NRF1: variants seen among roughly 807,000 people sequenced by gnomAD.
NRF1 encodes nuclear respiratory factor 1, also known as alpha palindromic-binding protein.
NRF1 carries 5 observed loss-of-function variants against 58.5 expected under a neutral mutation model. The observed-to-expected ratio is 0.09, with a 90% confidence interval of 0.04 to 0.18. The LOEUF is 0.18. Ranked by LOEUF, NRF1 falls within the 10% of genes least tolerant of loss-of-function variation. The pLI, the probability that NRF1 is intolerant of heterozygous loss-of-function variation, is 1.00. For synonymous variants in NRF1, 224 were observed against 246.7 expected, an observed-to-expected ratio of 0.91 and a Z score of 0.86; for missense variants, 288 against 657.7, an observed-to-expected ratio of 0.44 and a Z score of 6.15.
intron 10 of NRF1, among the ~76,000 whole-genome samples, chr7:129,740,918 T>A (rs1803831407): frequency 6.6e-6 from 1 of 152,172 alleles, no homozygotes; most frequent in African/African-American, 2.4e-5. Flanking sequence ...CCAGTAGCTG[T>A]CATTCTTTAT....
chr7:129,738,465 A>G (rs1803773549), intron 10 of NRF1, among the ~76,000 whole-genome samples: 1 of 152,178 alleles, frequency 6.6e-6, no homozygotes, highest in Non-Finnish European at 1.5e-5. Context: ...GGACTTTCCC[A>G]TTTAAGTCAG....
intron 10 of NRF1, among the ~76,000 whole-genome samples, chr7:129,730,330 C>A (rs923433439): frequency 6.6e-6 from 1 of 152,060 alleles, no homozygotes; most frequent in Non-Finnish European, 1.5e-5. Flanking sequence ...CTGTCCAGGC[C>A]AAGTTTTTTT....
chr7:129,626,277 A>G (rs989038929), intron 1 of NRF1, among the ~76,000 whole-genome samples: 6 of 152,224 alleles, frequency 3.9e-5, no homozygotes, highest in African/African-American at 1.4e-4. Flanking sequence ...GTCCCTGAGT[A>G]TCCTGTGTGG....
intron 3 of NRF1, among the ~76,000 whole-genome samples, chr7:129,672,070 G>A (rs1584627552): frequency 6.6e-6 from 1 of 152,110 alleles, no homozygotes; most frequent in East Asian, 1.9e-4. Context: ...CTGGGGGGAA[G>A]AACATCTCAG....
At chr7:129,657,238 G>T in intron 1 of NRF1, 108 bp from the exon 2 acceptor site, 1 of 758,910 alleles carries the variant, frequency 1.3e-6, no homozygotes, top group Non-Finnish European at 2.2e-6. Context: ...TAGTGAAATT[G>T]GAATTTTGTC....
intron 9 of NRF1, among the ~76,000 whole-genome samples, chr7:129,720,087 C>A (rs979027625): frequency 2.6e-5 from 4 of 152,020 alleles, no homozygotes; most frequent in Non-Finnish European, 5.9e-5. Context: ...AGTGTTTACT[C>A]CAAAGGAAGG....
intron 1 of NRF1, among the ~76,000 whole-genome samples, chr7:129,629,292 T>C (rs542777621): frequency 1.4e-3 from 214 of 150,458 alleles, no homozygotes; most frequent in African/African-American, 4.9e-3. Context: ...TTTTTTTTTT[T>C]CCTGAGATGG....
chr7:129,639,277 C>T (rs574797385), intron 1 of NRF1, among the ~76,000 whole-genome samples: 46 of 152,168 alleles, frequency 3.0e-4, no homozygotes, highest in Admixed American at 1.3e-3. Flanking sequence ...CCAGGCTGCT[C>T]TCAAACTCCT....
intron 2 of NRF1, among the ~76,000 whole-genome samples, chr7:129,664,133 G>T (rs527671136): frequency 3.4e-4 from 51 of 152,068 alleles, no homozygotes; most frequent in African/African-American, 1.2e-3. Flanking sequence ...GACGGGAAAG[G>T]GGGAGGGGGA....
chr7:129,687,905 T>G (rs1318283866), intron 4 of NRF1, among the ~76,000 whole-genome samples: 1 of 152,224 alleles, frequency 6.6e-6, no homozygotes, highest in Non-Finnish European at 1.5e-5. Context: ...AGAAATGCTT[T>G]GGTAATACCT....
At chr7:129,661,790 T>G (rs553031191) in intron 2 of NRF1, among the ~76,000 whole-genome samples, 4 of 150,882 alleles carry the variant, frequency 2.7e-5, no homozygotes, top group Non-Finnish European at 5.9e-5. Context: ...ATTACCCAGT[T>G]CCAAAGTCAC....
chr7:129,619,393 C>T (rs1472602248), intron 1 of NRF1, among the ~76,000 whole-genome samples: 2 of 42,184 alleles, frequency 4.7e-5, no homozygotes, highest in African/African-American at 1.9e-4. Context: ...ACTTGGCATA[C>T]GTGTATATAT....
Position 129,756,957 on chromosome 7 carries a change from G to A in NRF1, c.*1776G>A, listed in dbSNP as rs938400130. ...TTTGTGGTGAAATAACCTCCAAATA[G>A]TTTGAGAAGTTGCCAAGACGAAGAA... On this transcript the variant is annotated 3_prime_UTR_variant, in exon 11 of 11. Transcript: ENST00000393232. 2 of 152,582 alleles carry A rather than the reference G, an allele frequency of 1.3e-5. No homozygotes were observed. Among genetic ancestry groups the A allele is most frequent in the African/African-American group, 4.8e-5 (2 of 41,426 alleles). 9.5% of individuals were successfully genotyped at this position (152,582 alleles called of 1,614,324 possible).
intron 1 of NRF1, among the ~76,000 whole-genome samples, chr7:129,612,774 C>G (rs1163316306): frequency 6.6e-6 from 1 of 152,170 alleles, no homozygotes; most frequent in Admixed American, 6.5e-5. Flanking sequence ...GAATGTTGTG[C>G]ACTCCATCGT....
At chr7:129,627,460 A>G (rs77516904) in intron 1 of NRF1, among the ~76,000 whole-genome samples, 3,983 of 152,148 alleles carry the variant, frequency 0.026, 78 homozygotes, top group Non-Finnish European at 0.038. Context: ...GGCTCAAGCA[A>G]TCCTCCAAAG....
chr7:129,717,081 T>A, intron 8 of NRF1, 138 bp from the exon 9 acceptor site: 1 of 757,944 alleles, frequency 1.3e-6, no homozygotes, highest in Non-Finnish European at 2.1e-6. Flanking sequence ...CTTAAAGCTC[T>A]GTTCTGTATA....
intron 1 of NRF1, among the ~76,000 whole-genome samples, chr7:129,613,864 G>A (rs992636942): frequency 3.3e-5 from 5 of 152,062 alleles, no homozygotes; most frequent in African/African-American, 1.2e-4. Context: ...GCAGTGAGCC[G>A]AGATGGAGAT....
chr7:129,691,417 A>G lies in NRF1; in HGVS notation c.606+871A>G, dbSNP rs893383193. Among the ~76,000 whole-genome samples, 6 of 145,042 alleles carry G rather than the reference A, an allele frequency of 4.1e-5. No homozygotes were observed. In the South Asian group the frequency reaches 1.3e-3, roughly 31 times the overall value. On this transcript the variant is annotated intron_variant, in intron 5 of 10. Transcript: ENST00000393232. ...CGAGCTGTGGCCCAGGCTGGAGGGC[A>G]GTGGTGTGATCTTGGCTCACTGCAA...
intron 1 of NRF1, among the ~76,000 whole-genome samples, chr7:129,635,793 A>G (rs777629503): frequency 1.3e-5 from 2 of 152,140 alleles, no homozygotes; most frequent in Non-Finnish European, 2.9e-5. Context: ...CACTGCTTCC[A>G]GCCACTCTGT....
Sources: allele counts gnomAD v4.1 joint callset (sites outside exome capture counted in the v4.1 genomes callset), GRCh38; gene constraint gnomAD v4.1.1; transcripts MANE v1.5; gene names NCBI Gene and HGNC (gene_info 2026-07-23, HGNC 2026-07-21).